The following UBR3 variants were observed in gnomAD, a reference collection of about 807,000 sequenced individuals.
UBR3 encodes the protein E3 ubiquitin-protein ligase UBR3.
In UBR3, 85 loss-of-function variants were observed where a neutral mutation model predicts 243.2. The ratio of observed to expected loss-of-function variants is 0.35; its 90% confidence interval spans 0.29 to 0.42. The LOEUF is 0.42. Among genes scored for constraint, UBR3 ranks in the 10% least tolerant of loss-of-function variants. UBR3 has a pLI of 1.00. For synonymous variants in UBR3, 748 were observed against 799.8 expected (o/e 0.94, Z 1.09); for missense variants, 1,686 against 2,300.8 (o/e 0.73, Z 5.47).
chr2:169,832,482 GGAGCTTGGAGTGAGCTTGGAGT>G (rs549758351), intron 1 of UBR3, among the ~76,000 whole-genome samples: 11 of 151,880 alleles, frequency 7.2e-5, no homozygotes, highest in Non-Finnish European at 1.5e-4. Flanking sequence ...CCCGGGAGGC[GGAGCTTGGAGTGAGCTTGGAGT>G]GAGCTTGGAG....
chr2:169,947,010 C>T (rs908102163), intron 21 of UBR3, among the ~76,000 whole-genome samples: 2 of 152,088 alleles, frequency 1.3e-5, no homozygotes, highest in African/African-American at 4.8e-5. Context: ...GTAAGATTCT[C>T]CTCATCTCTT....
chr2:169,853,743 C>A (rs908447882), intron 1 of UBR3, among the ~76,000 whole-genome samples: 5 of 151,698 alleles, frequency 3.3e-5, no homozygotes, highest in African/African-American at 1.2e-4. Flanking sequence ...AGCCATCGCC[C>A]CTGGCCCATT....
intron 21 of UBR3, 36 bp from the exon 22 acceptor site, chr2:169,947,506 G>A (rs2086830958): frequency 7.2e-7 from 1 of 1,393,200 alleles, no homozygotes; most frequent in Admixed American, 3.1e-5. Context: ...GACGTGATGT[G>A]GCAAGACTTG....
intron 1 of UBR3, among the ~76,000 whole-genome samples, chr2:169,866,112 C>G (rs1461413155): frequency 8.0e-6 from 1 of 125,430 alleles, no homozygotes; most frequent in Non-Finnish European, 1.6e-5. Flanking sequence ...TATGGTGCCA[C>G]TGCACTCCAG....
intron 33 of UBR3, among the ~76,000 whole-genome samples, chr2:170,057,985 T>C (rs60499007): frequency 0.049 from 7,385 of 152,200 alleles, 342 homozygotes; most frequent in African/African-American, 0.12. Flanking sequence ...AATACACTAT[T>C]TTATGTTAGG....
At chr2:169,895,933 T>A (rs2084568674) in intron 7 of UBR3, among the ~76,000 whole-genome samples, 1 of 151,992 alleles carries the variant, frequency 6.6e-6, no homozygotes, top group Admixed American at 6.6e-5. Context: ...ATAGTGTCAT[T>A]GTTTTGTGTG....
chr2:170,012,728 G>A (rs1415037878), intron 29 of UBR3, among the ~76,000 whole-genome samples: 1 of 151,038 alleles, frequency 6.6e-6, no homozygotes, highest in Non-Finnish European at 1.5e-5. Context: ...CTACTGAGTG[G>A]TAGACTCAGG....
intron 5 of UBR3, among the ~76,000 whole-genome samples, chr2:169,888,019 G>A (rs1490084374): frequency 6.6e-6 from 1 of 151,222 alleles, no homozygotes; most frequent in African/African-American, 2.4e-5. Context: ...CAGGTGATCC[G>A]CCCACCTCTG....
chr2:169,860,679 T>A (rs1289443449), intron 1 of UBR3, among the ~76,000 whole-genome samples: 1 of 152,210 alleles, frequency 6.6e-6, no homozygotes, highest in African/African-American at 2.4e-5. Context: ...TTTCTCATTT[T>A]CTCTTGGATT....
In UBR3 at chr2:169,892,851, G is replaced by A. The variant is rs180699151; in HGVS notation, c.1105+1620G>A. Among the ~76,000 whole-genome samples, 502 of 152,284 alleles carry A rather than the reference G, an allele frequency of 3.3e-3. 2 individuals are homozygous for A. Among genetic ancestry groups the A allele is most frequent in the African/African-American group, 0.012 (483 of 41,564 alleles). On this transcript the variant is annotated intron_variant, in intron 6 of 38. Coordinates refer to ENST00000272793, the MANE Select transcript of UBR3 (RefSeq NM_172070.4). ...GCATTTTAAGGGTGAGGAAACTGAGGCCTTGAGGGCTTTAACTATATGGCC... is the reference window on the plus strand; with the variant it reads ...GCATTTTAAGGGTGAGGAAACTGAGACCTTGAGGGCTTTAACTATATGGCC...
At chr2:170,032,917 C>G (rs1328296571) in intron 31 of UBR3, among the ~76,000 whole-genome samples, 1 of 151,936 alleles carries the variant, frequency 6.6e-6, no homozygotes, top group African/African-American at 2.4e-5. Flanking sequence ...TGCTACTCTT[C>G]ATAAAAACAA....
rs6759287 is a variant in UBR3, at chr2:169,890,567, G to A, written c.1039-598G>A. Reference sequence around the variant, plus strand: ...TATATATATATATATATATATATGTGTATATATATATATGTATATATATAT... The same window carrying A: ...TATATATATATATATATATATATGTATATATATATATATGTATATATATAT... On this transcript the variant is annotated intron_variant, in intron 5 of 38. Transcript: ENST00000272793. Among the ~76,000 whole-genome samples the A allele has an allele frequency of 8.0e-3, 472 of 58,844 alleles. 12 individuals carry two copies. Among genetic ancestry groups the A allele is most frequent in the Middle Eastern group, 0.018 (2 of 114 alleles). 38.6% of individuals were successfully genotyped at this position (58,844 alleles called of 152,430 possible).
At chr2:169,877,240 A>G (rs1420074670) in intron 3 of UBR3, among the ~76,000 whole-genome samples, 2 of 152,154 alleles carry the variant, frequency 1.3e-5, no homozygotes, top group African/African-American at 2.4e-5. Context: ...CTTGTGCCCC[A>G]CATTCCCTTG....
chr2:169,871,724 G>A lies in UBR3; in HGVS notation c.546-512G>A, dbSNP rs187944809. On this transcript the variant is annotated intron_variant, in intron 1 of 38. Transcript: ENST00000272793. Reference sequence around the variant, plus strand: ...GATTGTGCCACTGCACTCCAGCCTGGACGTCAGACCAAGACTCTCAAAAAA... The same window carrying A: ...GATTGTGCCACTGCACTCCAGCCTGAACGTCAGACCAAGACTCTCAAAAAA... Among the ~76,000 whole-genome samples, 737 of 102,538 alleles carry A rather than the reference G, an allele frequency of 7.2e-3. 1 individual carries two copies. Among genetic ancestry groups the A allele is most frequent in the Non-Finnish European group, 0.012 (534 of 45,138 alleles). 67.3% of individuals were successfully genotyped at this position (102,538 alleles called of 152,430 possible).
In UBR3 at chr2:170,061,120, C is replaced by T; in HGVS notation, c.4827C>T (p.Ser1609=). Reference sequence around the variant, plus strand: ...AAAAGTCTTACGAAGTATTACTGAGCTTTGTGATAAGTGAACTATTTAAAG... The same window carrying T: ...AAAAGTCTTACGAAGTATTACTGAGTTTTGTGATAAGTGAACTATTTAAAG... ...DAEKSYEVLL[S]FVISELFKGK... Residue 1609 remains serine (S), a synonymous_variant, in exon 34 of 39, where the codon AGC becomes AGT. Transcript: ENST00000272793. The T allele has an allele frequency of 1.9e-6, 3 of 1,599,224 alleles. No homozygotes were observed. Among genetic ancestry groups the T allele is most frequent in the Non-Finnish European group, 1.7e-6 (2 of 1,175,916 alleles).
intron 32 of UBR3, among the ~76,000 whole-genome samples, chr2:170,054,316 C>T (rs896309215): frequency 1.3e-5 from 2 of 149,936 alleles, no homozygotes; most frequent in African/African-American, 2.5e-5. Flanking sequence ...GAGTCTCACA[C>T]TGTTGCCTGG....
At chr2:170,033,587 C>T (rs1464869463) in intron 31 of UBR3, among the ~76,000 whole-genome samples, 2 of 117,942 alleles carry the variant, frequency 1.7e-5, no homozygotes, top group African/African-American at 3.2e-5. Context: ...ACCCACCCCC[C>T]CCCCCCCCAA....
At chr2:169,927,119 G>A (rs1449284889) in intron 16 of UBR3, 148 bp downstream of exon 16, 6 of 1,128,222 alleles carry the variant, frequency 5.3e-6, no homozygotes, top group Non-Finnish European at 7.4e-6. Flanking sequence ...TGTACTGTAG[G>A]TATACCTTTT....
intron 29 of UBR3, chr2:170,015,050 G>T: frequency 2.8e-6 from 1 of 356,508 alleles, no homozygotes; most frequent in East Asian, 4.6e-5. Context: ...CATGATGTGT[G>T]CAATTTTTTG....
Sources: allele counts gnomAD v4.1 joint callset (sites outside exome capture counted in the v4.1 genomes callset), GRCh38; gene constraint gnomAD v4.1.1; transcripts MANE v1.5; gene names NCBI Gene and HGNC (gene_info 2026-07-23, HGNC 2026-07-21).